PRKCA: variants seen among roughly 807,000 people sequenced by gnomAD.
PRKCA encodes the protein protein kinase C alpha.
In PRKCA, 27 loss-of-function variants were observed where a neutral mutation model predicts 87.0. The ratio of observed to expected loss-of-function variants is 0.31; its 90% CI spans 0.23 to 0.43. The LOEUF is 0.43. Ranked by LOEUF, PRKCA falls within the 20% of genes least tolerant of loss-of-function variation. The probability of loss-of-function intolerance (pLI) is 1.00; values close to 1 mark genes in which losing one functional copy is unlikely to be tolerated. For missense variants in PRKCA, 518 were observed against 852.3 expected (o/e 0.61, Z 4.88); for synonymous variants, 329 against 311.1 (o/e 1.06, Z -0.61).
chr17:66,320,799 C>CT (rs1905611015), intron 2 of PRKCA, among the ~76,000 whole-genome samples: 1 of 152,074 alleles, frequency 6.6e-6, no homozygotes, highest in Non-Finnish European at 1.5e-5. Context: ...TATATATTAC[C>CT]TAAAATACAC....
At chr17:66,778,503 G>A (rs1215174675) in intron 14 of PRKCA, among the ~76,000 whole-genome samples, 5 of 152,066 alleles carry the variant, frequency 3.3e-5, no homozygotes, top group African/African-American at 4.8e-5. Flanking sequence ...GCGACAGAGC[G>A]AGACTCCATC....
chr17:66,697,615 C>G (rs1487209188), intron 8 of PRKCA, among the ~76,000 whole-genome samples: 1 of 152,126 alleles, frequency 6.6e-6, no homozygotes, highest in Non-Finnish European at 1.5e-5. Context: ...CCCAAGAGCC[C>G]CACTTCTTTC....
At chr17:66,465,181 T>G (rs1358256761) in intron 2 of PRKCA, among the ~76,000 whole-genome samples, 2 of 152,158 alleles carry the variant, frequency 1.3e-5, no homozygotes, top group African/African-American at 4.8e-5. Flanking sequence ...ATTTGCAGAA[T>G]AGGAAGGACT....
At chr17:66,368,379 TATATA>T (rs1908874784) in intron 2 of PRKCA, among the ~76,000 whole-genome samples, 7 of 36,726 alleles carry the variant, frequency 1.9e-4, no homozygotes, top group South Asian at 1.4e-3. Context: ...TATATATATA[TATATA>T]TATTTTTTTT....
chr17:66,414,167 A>G (rs942718744), intron 2 of PRKCA, among the ~76,000 whole-genome samples: 2 of 152,174 alleles, frequency 1.3e-5, no homozygotes, highest in Non-Finnish European at 2.9e-5. Flanking sequence ...CCCCACCCAC[A>G]TCTCATAGGA....
intron 13 of PRKCA, among the ~76,000 whole-genome samples, chr17:66,760,554 A>G (rs557886733): frequency 1.1e-4 from 16 of 152,348 alleles, no homozygotes; most frequent in African/African-American, 3.8e-4. Context: ...CTAGAGCAGA[A>G]GCCAATGAAA....
At chr17:66,454,144 A>G (rs1914470589) in intron 2 of PRKCA, among the ~76,000 whole-genome samples, 3 of 152,218 alleles carry the variant, frequency 2.0e-5, no homozygotes, top group South Asian at 4.1e-4. Flanking sequence ...TTCAGCTTCA[A>G]TTACAGTCTG....
intron 3 of PRKCA, among the ~76,000 whole-genome samples, chr17:66,626,180 T>C (rs1970848033): frequency 6.6e-6 from 1 of 151,864 alleles, no homozygotes; most frequent in Middle Eastern, 3.2e-3. Flanking sequence ...CCTTTTTTCT[T>C]TTGTCTTCCT....
chr17:66,336,609 T>TGG (rs543645489), intron 2 of PRKCA, among the ~76,000 whole-genome samples: 5 of 93,816 alleles, frequency 5.3e-5, no homozygotes, highest in Non-Finnish European at 1.4e-4. Flanking sequence ...TTGGTGGTGG[T>TGG]GGGGGAGTAA....
rs73996249 is a variant in PRKCA, at chr17:66,555,601, A to G, written c.288+59318A>G. Among the ~76,000 whole-genome samples the G allele has an allele frequency of 6.0e-3, 920 of 152,306 alleles. 10 individuals are homozygous for G. Among genetic ancestry groups the G allele is most frequent in the African/African-American group, 0.021 (855 of 41,568 alleles). On this transcript the variant is annotated intron_variant, in intron 3 of 16. Coordinates refer to ENST00000413366, the MANE Select transcript of PRKCA (RefSeq NM_002737.3). ...ATCCTAGTTTCTAACTTCATCCAAGAAATTTCTAGACAACTTGTAGCCTAG... is the reference window on the plus strand; with the variant it reads ...ATCCTAGTTTCTAACTTCATCCAAGGAATTTCTAGACAACTTGTAGCCTAG...
intron 13 of PRKCA, among the ~76,000 whole-genome samples, chr17:66,762,742 G>C (rs1974713046): frequency 6.6e-6 from 1 of 152,174 alleles, no homozygotes; most frequent in African/African-American, 2.4e-5. Context: ...GCAAGCCACT[G>C]TGCCACTTTG....
chr17:66,784,001 A>G (rs1975312372), intron 14 of PRKCA, among the ~76,000 whole-genome samples: 1 of 152,196 alleles, frequency 6.6e-6, no homozygotes, highest in Admixed American at 6.5e-5. Context: ...CGCATCTGGA[A>G]ATTCTTAATA....
intron 3 of PRKCA, among the ~76,000 whole-genome samples, chr17:66,521,408 T>C (rs1967156549): frequency 6.6e-6 from 1 of 152,246 alleles, no homozygotes; most frequent in South Asian, 2.1e-4. Flanking sequence ...AGGATAATGG[T>C]CGTGCATGGC....
chr17:66,377,358 C>T (rs1047212226), intron 2 of PRKCA, among the ~76,000 whole-genome samples: 2 of 151,660 alleles, frequency 1.3e-5, no homozygotes, highest in Non-Finnish European at 2.9e-5. Flanking sequence ...GTTGTCAATC[C>T]CCTTACTCTC....
At chr17:66,458,032 T>C (rs959310177) in intron 2 of PRKCA, among the ~76,000 whole-genome samples, 1 of 152,094 alleles carries the variant, frequency 6.6e-6, no homozygotes, top group Non-Finnish European at 1.5e-5. Flanking sequence ...CCAAATTGGT[T>C]TGGAGCAAGC....
intron 2 of PRKCA, chr17:66,415,334 G>A (rs905306774): frequency 1.3e-5 from 2 of 152,144 alleles, no homozygotes; most frequent in African/African-American, 4.8e-5. Flanking sequence ...TATCAAATTA[G>A]CATGAGGTTG....
intron 2 of PRKCA, among the ~76,000 whole-genome samples, chr17:66,422,954 T>C (rs142387015): frequency 0.011 from 1,603 of 151,766 alleles, 14 homozygotes; most frequent in Non-Finnish European, 0.018. Context: ...CTACTAAAAA[T>C]AGAAAAATTA....
chr17:66,744,316 C>T lies in PRKCA; in HGVS notation c.1524+1556C>T, dbSNP rs149841096. 7.6e-4 allele frequency among the ~76,000 whole-genome samples: 116 copies of T among 152,286 alleles called. 3 individuals are homozygous for T. The East Asian group carries it at 0.02, about 27-fold the overall frequency. ...AATAGTCAGGGTACTGTCAGAAATA[C>T]AATCTCTTGATGTAGTATTTATTCT... On this transcript the variant is annotated intron_variant, in intron 13 of 16. Transcript: ENST00000413366.
At chr17:66,603,079 A>G (rs541432048) in intron 3 of PRKCA, among the ~76,000 whole-genome samples, 2 of 152,196 alleles carry the variant, frequency 1.3e-5, no homozygotes, top group Non-Finnish European at 2.9e-5. Flanking sequence ...TTTTAGCTGA[A>G]CTAAAGAGAA....
Sources: gnomAD v4.1 joint callset for allele counts (sites outside exome capture counted in the v4.1 genomes callset) on GRCh38, gnomAD v4.1.1 for gene constraint, MANE v1.5 for transcripts, NCBI Gene and HGNC (gene_info 2026-07-23, HGNC 2026-07-21) for gene names.